Variants in RPS6KC1 observed in about 807,000 individuals in gnomAD.
The protein encoded by RPS6KC1 is inactive ribosomal protein S6 kinase delta-1.
In RPS6KC1, 54 loss-of-function variants were observed where a neutral mutation model predicts 103.8. That is an observed-to-expected ratio of 0.52 (90% CI 0.42 to 0.65). The LOEUF is 0.65. Ranked by LOEUF, RPS6KC1 falls within the 30% of genes least tolerant of loss-of-function variation. The pLI is 0.00. For synonymous variants in RPS6KC1, 439 were observed against 438.7 expected (o/e 1.00, Z -0.01); for missense variants, 1,151 against 1,253.8 (o/e 0.92, Z 1.24).
the RPS6KC1 span, chr1:213,840,450 A>C: frequency 6.6e-6 from 1 of 152,122 alleles, no homozygotes; most frequent in Non-Finnish European, 1.5e-5. Context: ...GTTTCTTTCA[A>C]AACAGGTTAT....
chr1:213,647,276 G>A, the RPS6KC1 span, among the ~76,000 whole-genome samples: 2 of 152,102 alleles, frequency 1.3e-5, no homozygotes, highest in East Asian at 3.9e-4. Flanking sequence ...TGGGGTCCTT[G>A]CAGTGTGACA....
chr1:213,363,626 CTTT>C, the RPS6KC1 span, among the ~76,000 whole-genome samples: 1 of 29,776 alleles, frequency 3.4e-5, no homozygotes, highest in Non-Finnish European at 7.2e-5. Flanking sequence ...TGCTTGCTTG[CTTT>C]CTTTCTTTCT....
At chr1:213,660,723 T>C in the RPS6KC1 span, among the ~76,000 whole-genome samples, 1 of 138,752 alleles carries the variant, frequency 7.2e-6, no homozygotes, top group Non-Finnish European at 1.6e-5. Context: ...CTTCATTCTA[T>C]TGCACACCAA....
intron 5 of RPS6KC1, among the ~76,000 whole-genome samples, chr1:213,118,906 G>A (rs2084021175): frequency 6.6e-6 from 1 of 151,984 alleles, no homozygotes; most frequent in African/African-American, 2.4e-5. Context: ...GTCGGGGGCG[G>A]TGGTGGTAAA....
At chr1:213,106,356 T>G (rs927041051) in intron 4 of RPS6KC1, among the ~76,000 whole-genome samples, 2 of 152,182 alleles carry the variant, frequency 1.3e-5, no homozygotes, top group African/African-American at 4.8e-5. Flanking sequence ...TGGAGCTCAG[T>G]AATGTCATCA....
the RPS6KC1 span, among the ~76,000 whole-genome samples, chr1:213,656,226 C>T: frequency 6.6e-6 from 1 of 152,176 alleles, no homozygotes; most frequent in Non-Finnish European, 1.5e-5. Context: ...TTCCCCACTA[C>T]ACTGCACTGC....
intron 1 of RPS6KC1, among the ~76,000 whole-genome samples, chr1:213,060,876 G>T (rs1219605494): frequency 6.6e-6 from 1 of 152,106 alleles, no homozygotes. Context: ...TACTGTCTTT[G>T]TCAGTTTGGA....
the RPS6KC1 span, among the ~76,000 whole-genome samples, chr1:213,859,406 A>T: frequency 6.6e-6 from 1 of 152,194 alleles, no homozygotes; most frequent in Non-Finnish European, 1.5e-5. Context: ...TCATTTTTCA[A>T]ACAAAACAGA....
the RPS6KC1 span, among the ~76,000 whole-genome samples, chr1:213,330,927 C>A: frequency 2.0e-5 from 3 of 152,272 alleles, no homozygotes; most frequent in South Asian, 6.2e-4. Context: ...CACATCTCTG[C>A]TGAGCCATTC....
the RPS6KC1 span, among the ~76,000 whole-genome samples, chr1:213,862,069 G>GCCA: frequency 6.6e-6 from 1 of 152,146 alleles, no homozygotes; most frequent in East Asian, 1.9e-4. Flanking sequence ...CCACACAGGA[G>GCCA]CCAGCATACC....
At chr1:213,266,066 A>G (rs1179385637) in intron 14 of RPS6KC1, among the ~76,000 whole-genome samples, 3 of 152,228 alleles carry the variant, frequency 2.0e-5, no homozygotes, top group African/African-American at 7.2e-5. Flanking sequence ...CTGGCATGTG[A>G]TAAGTGTCGT....
At chr1:213,545,820 CAACT>C in the RPS6KC1 span, among the ~76,000 whole-genome samples, 1 of 152,180 alleles carries the variant, frequency 6.6e-6, no homozygotes, top group Non-Finnish European at 1.5e-5. Context: ...CCCCACCCAC[CAACT>C]ATTACCATGC....
the RPS6KC1 span, among the ~76,000 whole-genome samples, chr1:213,618,963 G>A: frequency 4.0e-3 from 611 of 152,252 alleles, 1 homozygote; most frequent in African/African-American, 0.014. Flanking sequence ...CAGTGATGGC[G>A]ACACACACGT....
Position 213,267,413 on chromosome 1 carries a change from C to T in RPS6KC1, c.3090+4597C>T, listed in dbSNP as rs74139168. ...ACCAAACAAAGAACAAACAATCCAACAGCAATGATAAACTTCATGGGGAAA... is the reference window on the plus strand; with the variant it reads ...ACCAAACAAAGAACAAACAATCCAATAGCAATGATAAACTTCATGGGGAAA... On this transcript the variant is annotated intron_variant, in intron 14 of 14. Coordinates refer to ENST00000366960, the MANE Select transcript of RPS6KC1 (RefSeq NM_012424.6). Among the ~76,000 whole-genome samples the T allele has an allele frequency of 2.0e-3, 308 of 152,080 alleles. 3 individuals carry two copies. Among genetic ancestry groups the T allele is most frequent in the African/African-American group, 6.7e-3 (280 of 41,526 alleles).
chr1:213,748,910 G>A, the RPS6KC1 span, among the ~76,000 whole-genome samples: 3 of 152,184 alleles, frequency 2.0e-5, no homozygotes, highest in Admixed American at 6.5e-5. Flanking sequence ...GATACCTCAT[G>A]TAAATGGCAG....
chr1:213,567,311 G>C, the RPS6KC1 span, among the ~76,000 whole-genome samples: 1 of 152,248 alleles, frequency 6.6e-6, no homozygotes, highest in Non-Finnish European at 1.5e-5. Context: ...GTGCTTCAAG[G>C]CTTCTGGCTT....
At chr1:213,358,766 C>G in the RPS6KC1 span, among the ~76,000 whole-genome samples, 1 of 152,204 alleles carries the variant, frequency 6.6e-6, no homozygotes, top group South Asian at 2.1e-4. Flanking sequence ...TCTTTGTTCT[C>G]GTTGGTTTCA....
chr1:213,244,092 AC>A (rs2094411779), intron 12 of RPS6KC1, among the ~76,000 whole-genome samples: 1 of 151,988 alleles, frequency 6.6e-6, no homozygotes. Flanking sequence ...GAGCACACTT[AC>A]ATTTTTTTTT....
chr1:213,741,343 A>G, the RPS6KC1 span, among the ~76,000 whole-genome samples: 4 of 152,124 alleles, frequency 2.6e-5, no homozygotes, highest in Non-Finnish European at 4.4e-5. Flanking sequence ...TTTTTGCAGC[A>G]GCTAATACAT....
Sources: allele counts gnomAD v4.1 joint callset (sites outside exome capture counted in the v4.1 genomes callset), GRCh38; gene constraint gnomAD v4.1.1; transcripts MANE v1.5; gene names NCBI Gene and HGNC (gene_info 2026-07-23, HGNC 2026-07-21).